The following TTLL11 variants were observed in gnomAD, a reference collection of about 807,000 sequenced individuals.
The protein encoded by TTLL11 is tubulin polyglutamylase TTLL11.
TTLL11 carries 42 observed loss-of-function variants against 51.7 expected under a neutral mutation model. The ratio of observed to expected loss-of-function variants is 0.81; its 90% CI spans 0.64 to 1.05. The LOEUF (loss-of-function observed/expected upper bound fraction) is 1.05, where lower values mean the gene tolerates loss of function less well. Ranked by LOEUF, TTLL11 falls within the 50% of genes least tolerant of loss-of-function variation. TTLL11 has a pLI of 0.00. For missense variants in TTLL11, 799 were observed against 940.4 expected, an observed-to-expected ratio of 0.85 and a Z score of 1.97; for synonymous variants, 381 against 383.5, an observed-to-expected ratio of 0.99 and a Z score of 0.08.
At chr9:121,828,274 G>A (rs912342634) in intron 8 of TTLL11, among the ~76,000 whole-genome samples, 6 of 150,884 alleles carry the variant, frequency 4.0e-5, no homozygotes, top group Non-Finnish European at 7.4e-5. Flanking sequence ...CCAGGTTCAA[G>A]CGATTCTCCT....
chr9:122,030,213 G>A (rs563577373), intron 3 of TTLL11, among the ~76,000 whole-genome samples: 1 of 135,752 alleles, frequency 7.4e-6, no homozygotes, highest in Non-Finnish European at 1.6e-5. Flanking sequence ...GGGGGGGGGG[G>A]GGTAATTATG....
intron 6 of TTLL11, among the ~76,000 whole-genome samples, chr9:121,959,586 G>A (rs1369835305): frequency 1.3e-5 from 2 of 151,988 alleles, no homozygotes; most frequent in South Asian, 2.1e-4. Context: ...TCCTAAAAAC[G>A]TCTTAATACA....
At chr9:122,022,806 G>A (rs1844218824) in intron 3 of TTLL11, among the ~76,000 whole-genome samples, 1 of 151,952 alleles carries the variant, frequency 6.6e-6, no homozygotes, top group Non-Finnish European at 1.5e-5. Context: ...TGATAACAAT[G>A]TAGTCTGGAG....
intron 3 of TTLL11, among the ~76,000 whole-genome samples, chr9:121,992,074 C>A (rs1285250666): frequency 2.0e-5 from 3 of 152,278 alleles, no homozygotes; most frequent in East Asian, 1.9e-4. Context: ...TCTGGCCTCA[C>A]CCTAAAGATT....
chr9:122,057,294 G>A (rs1845313124), intron 1 of TTLL11, among the ~76,000 whole-genome samples: 1 of 149,146 alleles, frequency 6.7e-6, no homozygotes, highest in East Asian at 2.0e-4. Context: ...GTGATCTGCT[G>A]TAAGGTGACA....
intron 6 of TTLL11, among the ~76,000 whole-genome samples, chr9:121,954,755 C>A (rs981074433): frequency 6.6e-6 from 1 of 152,148 alleles, no homozygotes; most frequent in Non-Finnish European, 1.5e-5. Flanking sequence ...AAGCTGCCCT[C>A]AACTAGCTGG....
intron 4 of TTLL11, among the ~76,000 whole-genome samples, chr9:121,979,870 TC>T (rs1323259957): frequency 6.6e-6 from 1 of 152,036 alleles, no homozygotes; most frequent in African/African-American, 2.4e-5. Context: ...TTACTACACA[TC>T]TTGGGCTCTC....
In TTLL11 at chr9:122,092,879, C is replaced by G. The variant is rs775319499; in HGVS notation, c.270G>C (p.Pro90=). 3 of 1,569,900 alleles carry G rather than the reference C, an allele frequency of 1.9e-6. No individual in the cohort carries two copies. In the South Asian group the frequency reaches 3.5e-5, roughly 18 times the overall value. ...GGCCCTGCACCGGCTTCGGCTTGGA[C>G]GGGGGCAGCGTGGGCGGCGGCCGCT... ...VLQRPPPTLP[P]SKPKPVQGLC... Residue 90 remains proline (P), a synonymous_variant, in exon 1 of 9, where the codon CCG becomes CCC. Coordinates refer to ENST00000321582, the MANE Select transcript of TTLL11 (RefSeq NM_001139442.2).
chr9:122,076,914 G>T (rs1845877217), intron 1 of TTLL11, among the ~76,000 whole-genome samples: 1 of 151,862 alleles, frequency 6.6e-6, no homozygotes, highest in African/African-American at 2.4e-5. Flanking sequence ...TAAGACAAAG[G>T]GATTTTAAAA....
chr9:121,838,781 A>AAGCAAGCAAGCAAGC (rs1837259775), intron 8 of TTLL11, among the ~76,000 whole-genome samples: 7 of 140,002 alleles, frequency 5.0e-5, no homozygotes, highest in East Asian at 4.1e-4. Context: ...AGCAAGCAAG[A>AAGCAAGCAAGCAAGC]AAGCAAGCAA....
chr9:122,054,230 G>A (rs1006929578), intron 1 of TTLL11, among the ~76,000 whole-genome samples: 2 of 151,934 alleles, frequency 1.3e-5, no homozygotes, highest in African/African-American at 4.8e-5. Flanking sequence ...GCTTCCGCTT[G>A]TGATTGCAAT....
intron 6 of TTLL11, chr9:121,885,089 C>G (rs934547013): frequency 6.6e-6 from 1 of 152,208 alleles, no homozygotes; most frequent in Non-Finnish European, 1.5e-5. Flanking sequence ...CACTCTTAGT[C>G]CTCGTGTAGC....
At chr9:122,092,094 C>A (rs1421531445) in intron 1 of TTLL11, among the ~76,000 whole-genome samples, 1 of 152,104 alleles carries the variant, frequency 6.6e-6, no homozygotes, top group Non-Finnish European at 1.5e-5. Context: ...CAGACTTGTG[C>A]TATAAAACAC....
intron 2 of TTLL11, among the ~76,000 whole-genome samples, chr9:122,037,189 T>C (rs1326816026): frequency 6.6e-6 from 1 of 152,210 alleles, no homozygotes; most frequent in Non-Finnish European, 1.5e-5. Flanking sequence ...TCTTAGGAAC[T>C]CTGTCCTCAT....
At chr9:122,065,528 T>C (rs1845560509) in intron 1 of TTLL11, among the ~76,000 whole-genome samples, 1 of 152,232 alleles carries the variant, frequency 6.6e-6, no homozygotes, top group East Asian at 1.9e-4. Context: ...TCATCACTAA[T>C]TAAGGACTTG....
At chr9:122,077,654 T>A (rs564803061) in intron 1 of TTLL11, among the ~76,000 whole-genome samples, 1 of 152,178 alleles carries the variant, frequency 6.6e-6, no homozygotes, top group East Asian at 1.9e-4. Context: ...CTAACACACA[T>A]ATGTAAAATA....
At chr9:122,019,703 A>C (rs1250022297) in intron 3 of TTLL11, among the ~76,000 whole-genome samples, 1 of 152,198 alleles carries the variant, frequency 6.6e-6, no homozygotes, top group Non-Finnish European at 1.5e-5. Flanking sequence ...TGCCTGCCTC[A>C]GCCTCCCAGA....
rs538357508 is a variant in TTLL11 at position 121,848,714 on chromosome 9, A to T, written c.1840+11623T>A. On this transcript the variant is annotated intron_variant, in intron 8 of 8. Transcript: ENST00000321582. ...ATAAATCTAAGAGAATATGTGCAAGATCTATATGAGGAAAACTAGAAAACT... is the reference window on the plus strand; with the variant it reads ...ATAAATCTAAGAGAATATGTGCAAGTTCTATATGAGGAAAACTAGAAAACT... Among the ~76,000 whole-genome samples the T allele has an allele frequency of 2.0e-5, 3 of 152,326 alleles. No individual in the cohort carries two copies. The South Asian group carries it at 6.2e-4, about 32-fold the overall frequency.
intron 1 of TTLL11, chr9:122,040,428 A>C (rs1191584760): frequency 1.0e-6 from 1 of 984,944 alleles, no homozygotes; most frequent in Non-Finnish European, 1.2e-6. Context: ...CAAAGTTATC[A>C]ACAAGCTCTG....
Sources: gnomAD v4.1 joint callset for allele counts (sites outside exome capture counted in the v4.1 genomes callset) on GRCh38, gnomAD v4.1.1 for gene constraint, MANE v1.5 for transcripts, NCBI Gene and HGNC (gene_info 2026-07-23, HGNC 2026-07-21) for gene names.